LMBR1: variants seen among roughly 807,000 people sequenced by gnomAD.
LMBR1 encodes limb development membrane protein 1.
Under a neutral mutation model 73.9 loss-of-function variants are expected in LMBR1, and 52 were observed. The observed-to-expected ratio is 0.70, with a 90% CI of 0.56 to 0.89. The LOEUF (loss-of-function observed/expected upper bound fraction) is 0.89. Among genes scored for constraint, LMBR1 ranks in the 40% least tolerant of loss-of-function variants. The pLI is 0.00. For missense variants in LMBR1, 539 were observed against 579.8 expected (o/e 0.93, Z 0.72); for synonymous variants, 215 against 209.4 (o/e 1.03, Z -0.23).
intron 5 of LMBR1, among the ~76,000 whole-genome samples, chr7:156,791,335 G>A (rs769895008): frequency 2.0e-5 from 3 of 152,142 alleles, no homozygotes; most frequent in Admixed American, 1.3e-4. Flanking sequence ...GGCAAAAAAC[G>A]AGCAAAAATA....
chr7:156,699,125 A>G (rs955548478), intron 15 of LMBR1, among the ~76,000 whole-genome samples: 1 of 152,192 alleles, frequency 6.6e-6, no homozygotes, highest in Non-Finnish European at 1.5e-5. Context: ...CAGGGGCAAA[A>G]TGCCACCAGT....
chr7:156,698,446 C>T (rs1808826885), intron 15 of LMBR1, among the ~76,000 whole-genome samples: 1 of 152,220 alleles, frequency 6.6e-6, no homozygotes, highest in South Asian at 2.1e-4. Flanking sequence ...TCCGTGAGAG[C>T]CCTGCCTTTG....
chr7:156,877,740 G>A (rs1162859261), intron 1 of LMBR1, among the ~76,000 whole-genome samples: 1 of 152,042 alleles, frequency 6.6e-6, no homozygotes, highest in African/African-American at 2.4e-5. Flanking sequence ...AAAATTAGCT[G>A]GGCGCGGTGG....
intron 1 of LMBR1, among the ~76,000 whole-genome samples, chr7:156,875,587 C>A (rs1041261997): frequency 6.6e-6 from 1 of 152,020 alleles, no homozygotes; most frequent in Non-Finnish European, 1.5e-5. Flanking sequence ...AGGTAACCTA[C>A]AAAGAAAAAC....
At chr7:156,796,535 A>C in intron 4 of LMBR1, 43 bp from the exon 5 acceptor site, 1 of 1,307,288 alleles carries the variant, frequency 7.6e-7, no homozygotes. Flanking sequence ...CAGGTTAGAT[A>C]TTGAAATTGT....
intron 8 of LMBR1, among the ~76,000 whole-genome samples, chr7:156,759,125 C>T (rs1822487469): frequency 6.6e-6 from 1 of 152,122 alleles, no homozygotes; most frequent in South Asian, 2.1e-4. Context: ...AAGTCATAAC[C>T]GTGGCTTAAA....
Position 156,734,252 on chromosome 7 carries a change from A to C in LMBR1, c.763T>G (p.Ser255Ala). ...ATTATGTTGTATTCCACCGATGAAGACAGCCCTGTTCAAAGCAAAAAATAT... is the reference window on the plus strand; with the variant it reads ...ATTATGTTGTATTCCACCGATGAAGCCAGCCCTGTTCAAAGCAAAAAATAT... ...EALQRRLNGL[S>A]SSVEYNIMEL... The change falls in exon 10 of 17, where the codon TCT becomes GCT. Residue 255 changes from serine (S) to alanine (A), a missense_variant. Transcript: ENST00000353442. 6.2e-7 allele frequency: 1 copy of C among 1,605,212 alleles called. No individual in the cohort carries two copies. The highest frequency in any genetic ancestry group is 8.5e-7 in the Non-Finnish European group (1 of 1,176,986).
intron 2 of LMBR1, chr7:156,834,725 T>C (rs1837297930): frequency 6.4e-6 from 1 of 156,970 alleles, no homozygotes; most frequent in Admixed American, 6.6e-5. Flanking sequence ...ATATATAAAG[T>C]TTGTTTAATC....
downstream of LMBR1, among the ~76,000 whole-genome samples, chr7:156,674,053 CCTT>C (rs1446150019): frequency 4.6e-5 from 7 of 152,268 alleles, no homozygotes; most frequent in Admixed American, 2.6e-4. Context: ...TTCATTTCAT[CCTT>C]CTTTGTGCTT....
At position 156,832,414 on chromosome 7, in the gene LMBR1, T is replaced by C. The variant is rs77260165; in HGVS notation, c.179+1339A>G. Among the ~76,000 whole-genome samples the C allele has an allele frequency of 8.9e-4, 136 of 152,336 alleles. 1 individual carries two copies. The highest frequency in any genetic ancestry group is 3.4e-3 in the Middle Eastern group (1 of 294). ...GTTGCACAATCACCTCTTTCTTTCA[T>C]GTTCATTGCCCCAAAATAAAATGCC... On this transcript the variant is annotated intron_variant, in intron 3 of 16. Coordinates refer to ENST00000353442, the MANE Select transcript of LMBR1 (RefSeq NM_022458.4).
At chr7:156,825,646 C>A (rs1274237483) in intron 4 of LMBR1, among the ~76,000 whole-genome samples, 1 of 152,146 alleles carries the variant, frequency 6.6e-6, no homozygotes, top group African/African-American at 2.4e-5. Flanking sequence ...AGTTTACATA[C>A]ACTAAATTGA....
intron 4 of LMBR1, among the ~76,000 whole-genome samples, chr7:156,816,913 T>G (rs1423414825): frequency 6.6e-6 from 1 of 152,150 alleles, no homozygotes; most frequent in Non-Finnish European, 1.5e-5. Flanking sequence ...TATACATTAT[T>G]TCATATTAAT....
In LMBR1 at chr7:156,756,361, T is replaced by A. The variant is rs761270275; in HGVS notation, c.757+32A>T. ...CTTTTTGAAATTAAAAAGATTTTTT[T>A]ATCCCCGTCTAAATATGTAATATAA... On this transcript the variant is annotated intron_variant, in intron 9 of 16. Coordinates refer to ENST00000353442, the MANE Select transcript of LMBR1 (RefSeq NM_022458.4). 4.0e-6 allele frequency: 4 copies of A among 1,008,180 alleles called. No individual in the cohort carries two copies. In the Admixed American group the frequency reaches 7.5e-5, roughly 19 times the overall value. 62.5% of individuals were successfully genotyped at this position (1,008,180 alleles called of 1,614,324 possible).
At chr7:156,889,004 A>T (rs1802428216) in intron 1 of LMBR1, among the ~76,000 whole-genome samples, 1 of 152,092 alleles carries the variant, frequency 6.6e-6, no homozygotes, top group South Asian at 2.1e-4. Flanking sequence ...CAATGAGCCG[A>T]GATCACGCCA....
chr7:156,687,655 T>G (rs886499866), intron 16 of LMBR1, among the ~76,000 whole-genome samples: 1 of 152,178 alleles, frequency 6.6e-6, no homozygotes, highest in Non-Finnish European at 1.5e-5. Context: ...AAGCTTTAAC[T>G]AAAAGGTATT....
intron 15 of LMBR1, among the ~76,000 whole-genome samples, chr7:156,716,372 A>G (rs1289464382): frequency 6.6e-6 from 1 of 152,224 alleles, no homozygotes; most frequent in Non-Finnish European, 1.5e-5. Context: ...CAACAATTTC[A>G]TTTTGTTCTA....
At chr7:156,712,872 G>T (rs980385388) in intron 15 of LMBR1, among the ~76,000 whole-genome samples, 1 of 152,160 alleles carries the variant, frequency 6.6e-6, no homozygotes, top group African/African-American at 2.4e-5. Context: ...CAGGGCAGGG[G>T]GGAGGCTGGA....
At chr7:156,836,766 C>T (rs781698005) in intron 2 of LMBR1, 47 bp downstream of exon 2, 59 of 1,223,406 alleles carry the variant, frequency 4.8e-5, no homozygotes, top group Non-Finnish European at 6.6e-5. Flanking sequence ...CATGCCTAGA[C>T]CATGTGGCAT....
At chr7:156,852,662 A>G (rs1441332629) in intron 1 of LMBR1, among the ~76,000 whole-genome samples, 3 of 152,256 alleles carry the variant, frequency 2.0e-5, no homozygotes, top group South Asian at 4.1e-4. Context: ...TGAGGGTGAC[A>G]ATGTCCCCCC....
Sources: gnomAD v4.1 joint callset for allele counts (sites outside exome capture counted in the v4.1 genomes callset) on GRCh38, gnomAD v4.1.1 for gene constraint, MANE v1.5 for transcripts, NCBI Gene and HGNC (gene_info 2026-07-23, HGNC 2026-07-21) for gene names.